Variants in INSR observed in about 807,000 individuals in gnomAD.
INSR encodes IR.
In INSR, 67 loss-of-function variants were observed where a neutral mutation model predicts 142.6. The observed-to-expected ratio is 0.47, with a 90% CI of 0.39 to 0.58. The LOEUF (loss-of-function observed/expected upper bound fraction) is 0.58, where lower values mean the gene tolerates loss of function less well. Ranked by LOEUF, INSR falls within the 20% of genes least tolerant of loss-of-function variation. INSR has a pLI of 0.00. For synonymous variants in INSR, 756 were observed against 743.1 expected, an observed-to-expected ratio of 1.02 and a Z score of -0.28; for missense variants, 1,248 against 1,833.2, an observed-to-expected ratio of 0.68 and a Z score of 5.83.
Position 7,174,634 on chromosome 19 carries a change from G to A in INSR, c.1072C>T (p.Arg358Ter), listed in dbSNP as rs768988952. The A allele has an allele frequency of 2.5e-6, 4 of 1,613,964 alleles. No individual in the cohort carries two copies. Among genetic ancestry groups the A allele is most frequent in the Non-Finnish European group, 3.4e-6 (4 of 1,179,978 alleles). ...CTCCCGTTGATGACGGTGCATCCTC[G>A]GAGCTCCTGGGCAGACGTCACCGAG... is the stretch of plus-strand genomic sequence containing the variant. ...IDSVTSAQELRGCTVINGSLI... is the reference protein window; with the variant it reads ...IDSVTSAQEL The change falls in exon 4 of 22, where the codon CGA (arginine) becomes TGA (stop). Residue 358 changes from arginine (R) to a stop codon, truncating the protein, a stop_gained. Coordinates refer to ENST00000302850, the MANE Select transcript of INSR (RefSeq NM_000208.4). LOFTEE classifies it high-confidence loss of function.
chr19:7,138,124 C>A (rs570926249), intron 13 of INSR, among the ~76,000 whole-genome samples: 2 of 151,490 alleles, frequency 1.3e-5, no homozygotes, highest in African/African-American at 4.8e-5. Context: ...CCACCATGCC[C>A]GGCTAATTTT....
intron 1 of INSR, among the ~76,000 whole-genome samples, chr19:7,284,357 C>G (rs1009992022): frequency 1.3e-5 from 2 of 152,084 alleles, no homozygotes; most frequent in Non-Finnish European, 2.9e-5. Flanking sequence ...AGCCACCGTG[C>G]CCCGCCACGC....
At chr19:7,209,436 G>GT (rs1266478441) in intron 2 of INSR, among the ~76,000 whole-genome samples, 10 of 152,178 alleles carry the variant, frequency 6.6e-5, no homozygotes, top group East Asian at 1.9e-4. Context: ...GTTTTGTTTT[G>GT]TTTTTTGTTT....
At chr19:7,185,902 GA>G (rs111809278) in intron 2 of INSR, among the ~76,000 whole-genome samples, 11 of 123,300 alleles carry the variant, frequency 8.9e-5, no homozygotes, top group East Asian at 2.6e-4. Flanking sequence ...AGGAAGGAAG[GA>G]AAAAAAAAAG....
At chr19:7,218,032 T>C (rs144031563) in intron 2 of INSR, among the ~76,000 whole-genome samples, 5 of 152,160 alleles carry the variant, frequency 3.3e-5, no homozygotes, top group African/African-American at 1.2e-4. Flanking sequence ...TGTGGGAGGA[T>C]GGGATGGTGA....
At chr19:7,151,194 TTC>T (rs1491566972) in intron 10 of INSR, among the ~76,000 whole-genome samples, 4 of 81,910 alleles carry the variant, frequency 4.9e-5, no homozygotes, top group African/African-American at 1.5e-4. Context: ...CTTTCTTTCT[TTC>T]TTTCTTTCTT....
At chr19:7,280,527 A>C (rs912902352) in intron 1 of INSR, among the ~76,000 whole-genome samples, 3 of 151,938 alleles carry the variant, frequency 2.0e-5, no homozygotes, top group African/African-American at 4.8e-5. Flanking sequence ...AGACCAGCCT[A>C]ACCAACATGG....
chr19:7,294,346 C>G lies in INSR; in HGVS notation c.-455G>C, dbSNP rs1012025479. ...GCGGGCGGCGGGAGAGAGGGCTGCT[C>G]GGGCCCGTAAACAACGCGGCCCGTC... On this transcript the variant is annotated 5_prime_UTR_variant, in exon 1 of 22. Coordinates refer to ENST00000302850, the MANE Select transcript of INSR (RefSeq NM_000208.4). Among the ~76,000 whole-genome samples the G allele has an allele frequency of 1.1e-4, 16 of 151,580 alleles. No individual in the cohort carries two copies. The highest frequency in any genetic ancestry group is 2.1e-4 in the South Asian group (1 of 4,822).
At chr19:7,214,289 G>A (rs1011887710) in intron 2 of INSR, among the ~76,000 whole-genome samples, 14 of 152,168 alleles carry the variant, frequency 9.2e-5, no homozygotes, top group Non-Finnish European at 8.8e-5. Flanking sequence ...CAGAACTCTA[G>A]TTCTTATTCC....
intron 17 of INSR, among the ~76,000 whole-genome samples, chr19:7,123,704 C>T (rs2144807962): frequency 6.8e-6 from 1 of 147,030 alleles, no homozygotes; most frequent in African/African-American, 2.5e-5. Context: ...CGGTGGATCA[C>T]CTGAATTCAG....
At chr19:7,198,790 C>T (rs1015460703) in intron 2 of INSR, among the ~76,000 whole-genome samples, 3 of 152,226 alleles carry the variant, frequency 2.0e-5, no homozygotes, top group African/African-American at 7.2e-5. Context: ...GCCAGTATTC[C>T]GCATGCATTT....
chr19:7,269,376 AACACACACACACACACACAC>A (rs60776874), intron 1 of INSR, among the ~76,000 whole-genome samples: 31 of 134,788 alleles, frequency 2.3e-4, no homozygotes, highest in Middle Eastern at 3.6e-3. Flanking sequence ...AAGTCGAGAA[AACACACACACACACACACAC>A]ACACACACAC....
chr19:7,231,774 TC>T (rs1483384155), intron 2 of INSR, among the ~76,000 whole-genome samples: 95 of 95,394 alleles, frequency 1.0e-3, no homozygotes, highest in Non-Finnish European at 1.2e-3. Context: ...CTTTTCTGTC[TC>T]TTTTTTTTTT....
chr19:7,258,223 C>G (rs1976954622), intron 2 of INSR, among the ~76,000 whole-genome samples: 1 of 152,098 alleles, frequency 6.6e-6, no homozygotes, highest in Non-Finnish European at 1.5e-5. Flanking sequence ...TTGCTTGAAC[C>G]CAATTGTTTG....
At position 7,125,313 on chromosome 19, in the gene INSR, C is replaced by A. The variant is rs768764179; in HGVS notation, c.3228G>T (p.Ser1076=). The change falls in exon 17 of 22, where the codon TCG becomes TCT. Residue 1076 remains serine, a synonymous_variant. Transcript: ENST00000302850. The surrounding 1 kb of genome is among the most constrained non-coding windows in gnomAD (Gnocchi z 4.9). The stretch of plus-strand genomic sequence containing the variant: ...GATGGCAGGTGAAGCCCTTCATGAC[C>A]GAGGCCTCATTGAGGAACTCAATCC... The part of the protein sequence containing the change: ...RERIEFLNEA[S]VMKGFTCHHV... The A allele has an allele frequency of 6.2e-7, 1 of 1,614,048 alleles. No homozygotes were observed. The highest frequency in any genetic ancestry group is 8.5e-7 in the Non-Finnish European group (1 of 1,179,998).
At chr19:7,201,908 G>T (rs952854398) in intron 2 of INSR, among the ~76,000 whole-genome samples, 3 of 151,898 alleles carry the variant, frequency 2.0e-5, no homozygotes, top group Admixed American at 2.0e-4. Context: ...TGATCCACCC[G>T]CCTCGGCCTC....
chr19:7,150,586 C>T lies in INSR; in HGVS notation c.2232-54G>A. On this transcript the variant is annotated intron_variant, in intron 10 of 21. Transcript: ENST00000302850. The surrounding 1 kb of genome is among the most constrained non-coding windows in gnomAD (Gnocchi z 4.2). Reference sequence around the variant, plus strand: ...GACAGAGGGAACTTCATTAGACAGACCACTGGGCTCTGACACTTGGAGGCC... The same window carrying T: ...GACAGAGGGAACTTCATTAGACAGATCACTGGGCTCTGACACTTGGAGGCC... 1 of 1,574,644 alleles carries T rather than the reference C, an allele frequency of 6.4e-7. No homozygotes were observed. The highest frequency in any genetic ancestry group is 8.7e-7 in the Non-Finnish European group (1 of 1,144,966).
At chr19:7,197,971 T>C (rs1974830742) in intron 2 of INSR, among the ~76,000 whole-genome samples, 1 of 148,100 alleles carries the variant, frequency 6.8e-6, no homozygotes, top group Non-Finnish European at 1.5e-5. Flanking sequence ...AGTGTGTGTG[T>C]GTCCCCATGG....
chr19:7,114,066 A>G lies in INSR; in HGVS notation c.*2990T>C, dbSNP rs1177802581. ...TTGTTGCAAAAAAAAAAAAAAAAAA[A>G]AAAAAAGCGTTCAGCACATTAATGG... On this transcript the variant is annotated 3_prime_UTR_variant, in exon 22 of 22. Transcript: ENST00000302850. The G allele has an allele frequency of 6.6e-6, 1 of 151,774 alleles. No individual in the cohort carries two copies. Among genetic ancestry groups the G allele is most frequent in the African/African-American group, 2.4e-5 (1 of 41,280 alleles). 9.4% of individuals were successfully genotyped at this position (151,774 alleles called of 1,614,324 possible).
Sources: gnomAD v4.1 joint callset for allele counts (sites outside exome capture counted in the v4.1 genomes callset) on GRCh38, gnomAD v4.1.1 for gene constraint, Gnocchi (gnomAD v3.1) non-coding constraint, MANE v1.5 for transcripts, NCBI Gene and HGNC (gene_info 2026-07-23, HGNC 2026-07-21) for gene names.